The following ITSN2 variants were observed in gnomAD, a reference collection of about 807,000 sequenced individuals.
ITSN2 encodes the protein intersectin 2, also known as intersectin-2.
A neutral mutation model predicts 243.7 loss-of-function variants in ITSN2; 156 were observed. That is an observed-to-expected ratio of 0.64 (90% CI 0.56 to 0.73). The LOEUF is 0.73. Among genes scored for constraint, ITSN2 ranks in the 30% least tolerant of loss-of-function variants. ITSN2 has a pLI of 0.00. For missense variants in ITSN2, 1,801 were observed against 1,996.1 expected (o/e 0.90, Z 1.86); for synonymous variants, 703 against 699.9 (o/e 1.00, Z -0.07).
chr2:24,326,460 C>T (rs1685167287), intron 2 of ITSN2, among the ~76,000 whole-genome samples: 1 of 152,168 alleles, frequency 6.6e-6, no homozygotes, highest in African/African-American at 2.4e-5. Flanking sequence ...GTTTACAATT[C>T]AACTGTTTAA....
At chr2:24,293,433 A>C in intron 15 of ITSN2, 2 of 241,080 alleles carry the variant, frequency 8.3e-6, no homozygotes, top group South Asian at 8.1e-5. Flanking sequence ...TTGATGTTTC[A>C]ATTATATACA....
chr2:24,305,339 C>T (rs536323777), intron 8 of ITSN2, among the ~76,000 whole-genome samples: 10 of 152,224 alleles, frequency 6.6e-5, no homozygotes, highest in African/African-American at 1.9e-4. Context: ...CGGTAGCTCA[C>T]GTCTGTAATC....
intron 9 of ITSN2, 83 bp from the exon 10 acceptor site, chr2:24,302,185 T>TTTTATTTATTTA (rs200718095): frequency 3.9e-6 from 3 of 774,434 alleles, no homozygotes; most frequent in East Asian, 3.6e-5. Context: ...TTTATTTTAC[T>TTTTATTTATTTA]TTTATTTATT....
chr2:24,303,341 T>C (rs995565248), intron 9 of ITSN2, among the ~76,000 whole-genome samples: 1 of 152,192 alleles, frequency 6.6e-6, no homozygotes, highest in African/African-American at 2.4e-5. Flanking sequence ...CTTGACCCTC[T>C]ACAGGCCTAA....
At chr2:24,343,462 T>A (rs2702124) in intron 1 of ITSN2, among the ~76,000 whole-genome samples, 68 of 152,200 alleles carry the variant, frequency 4.5e-4, no homozygotes, top group African/African-American at 1.6e-3. Context: ...CTTTTGCTTG[T>A]ACTGTAACCA....
chr2:24,309,224 C>T (rs932320449), intron 7 of ITSN2, among the ~76,000 whole-genome samples: 6 of 152,170 alleles, frequency 3.9e-5, no homozygotes, highest in South Asian at 2.1e-4. Flanking sequence ...GACAGAGTCT[C>T]GCTCTGTTGC....
intron 29 of ITSN2, among the ~76,000 whole-genome samples, chr2:24,228,329 G>A (rs1671242843): frequency 6.6e-6 from 1 of 151,940 alleles, no homozygotes; most frequent in African/African-American, 2.4e-5. Context: ...GACATGACTG[G>A]AAAAACTATT....
chr2:24,228,989 C>T (rs759035400), intron 29 of ITSN2, among the ~76,000 whole-genome samples: 2 of 151,932 alleles, frequency 1.3e-5, no homozygotes, highest in East Asian at 3.9e-4. Context: ...TTTAAGGACC[C>T]GTATGAGATG....
chr2:24,210,980 G>C, intron 33 of ITSN2, 33 bp from the exon 34 acceptor site: 1 of 1,607,414 alleles, frequency 6.2e-7, no homozygotes, highest in Non-Finnish European at 8.5e-7. Flanking sequence ...ACATGGGGGA[G>C]CTGCGTCTCT....
At position 24,286,320 on chromosome 2, in the gene ITSN2, T is replaced by C. The variant is rs771652447; in HGVS notation, c.1755A>G (p.Ser585=). Residue 585 remains serine, a synonymous_variant, in exon 16 of 40, where the codon TCA becomes TCG. Transcript: ENST00000355123. ...TTTGGCATAATTCTTCCTTTTCTAATGATTTTTTATGAAGTAAACTGACCC... is the reference window on the plus strand; with the variant it reads ...TTTGGCATAATTCTTCCTTTTCTAACGATTTTTTATGAAGTAAACTGACCC... ...DSGVSLLHKK[S]LEKEELCQRL... 2 of 1,611,030 alleles carry C rather than the reference T, an allele frequency of 1.2e-6. No homozygotes were observed. Among genetic ancestry groups the C allele is most frequent in the South Asian group, 2.2e-5 (2 of 90,894 alleles).
At position 24,306,809 on chromosome 2, in the gene ITSN2, CTT is replaced by C. The variant is rs757854376; in HGVS notation, c.793+1806_793+1807del. On this transcript the variant is annotated intron_variant, in intron 8 of 39. Transcript: ENST00000355123. ...TGCCGCTATGCCTAGCAAAGATAAACTTTTTTTTTTTTTTTGAGACAGAGTCT... is the reference window on the plus strand; with the variant it reads ...TGCCGCTATGCCTAGCAAAGATAAACTTTTTTTTTTTTTGAGACAGAGTCT... Among the ~76,000 whole-genome samples, 1,097 of 144,066 alleles carry C rather than the reference CTT, an allele frequency of 7.6e-3. 8 individuals are homozygous for C. The highest frequency in any genetic ancestry group is 0.026 in the African/African-American group (1,046 of 39,628). The allele number at this position is 144,066 out of a possible 152,430, so 94.5% of individuals were successfully genotyped here.
rs569801500 is a variant in ITSN2, at chr2:24,320,373, G to T, written c.32-5149C>A. 6.2e-4 allele frequency among the ~76,000 whole-genome samples: 93 copies of T among 150,542 alleles called. 1 individual carries two copies. Among genetic ancestry groups the T allele is most frequent in the Non-Finnish European group, 6.8e-4 (46 of 67,666 alleles). On this transcript the variant is annotated intron_variant, in intron 2 of 39. Coordinates refer to ENST00000355123, the MANE Select transcript of ITSN2 (RefSeq NM_006277.3). Reference sequence around the variant, plus strand: ...TCTCTACTAAAAATACAAAAAATTAGCCGGGCGCGGTGGCGGGCGCCTGTA... The same window carrying T: ...TCTCTACTAAAAATACAAAAAATTATCCGGGCGCGGTGGCGGGCGCCTGTA...
At position 24,308,692 on chromosome 2, in the gene ITSN2, C is replaced by A; in HGVS notation, c.718G>T (p.Val240Phe). 6.5e-7 allele frequency: 1 copy of A among 1,532,232 alleles called. No individual in the cohort carries two copies. Among genetic ancestry groups the A allele is most frequent in the Non-Finnish European group, 8.8e-7 (1 of 1,132,198 alleles). The allele number at this position is 1,532,232 out of a possible 1,614,324, so 94.9% of individuals were successfully genotyped here. A position where few individuals can be genotyped will look rare whatever the true frequency, so the allele number is the denominator to read the frequency against. The change falls in exon 8 of 40, where the codon GTT becomes TTT. Residue 240 changes from valine (V) to phenylalanine (F), a missense_variant. This residue lies in a region of ITSN2 where 787 missense variants were observed against 803.9 expected (regional missense o/e 0.98). Coordinates refer to ENST00000355123, the MANE Select transcript of ITSN2 (RefSeq NM_006277.3). ...TATTTTAATCTTGTAGGCTGAGGAA[C>A]TGCCCACTCTGAGGTCCCAGTCTTG... The part of the protein sequence containing the change: ...SPKTGTSEWA[V>F]PQPTRLKYRQ...
At position 24,298,809 on chromosome 2, in the gene ITSN2, T is replaced by C. The variant is rs754284181; in HGVS notation, c.1350A>G (p.Ala450=). 1 of 1,580,282 alleles carries C rather than the reference T, an allele frequency of 6.3e-7. No individual in the cohort carries two copies. Among genetic ancestry groups the C allele is most frequent in the Non-Finnish European group, 8.5e-7 (1 of 1,171,428 alleles). The change falls in exon 13 of 40, where the codon GCA becomes GCG. Residue 450 remains alanine (A), a synonymous_variant. Coordinates refer to ENST00000355123, the MANE Select transcript of ITSN2 (RefSeq NM_006277.3). The part of the protein sequence containing the change: ...RRKDIERREA[A]KQELERQRRL... ...GACGTTGTCGTTCAAGTTCCTGTTT[T>C]GCTGCCTGAAAAAAAAAAGGAATTA...
rs914682582 is a variant in ITSN2 at position 24,320,273 on chromosome 2, A to G, written c.32-5049T>C. ...GGTGGCTCACGCCTGTAATCCCAGC[A>G]CTTTGGGAGGCCGAGGAGGGTGGAT... On this transcript the variant is annotated intron_variant, in intron 2 of 39. Transcript: ENST00000355123. Among the ~76,000 whole-genome samples, 13 of 151,346 alleles carry G rather than the reference A, an allele frequency of 8.6e-5. No individual in the cohort carries two copies. In the East Asian group the frequency reaches 2.5e-3, roughly 30 times the overall value.
rs779307546 is a variant in ITSN2 at position 24,209,232 on chromosome 2, TAG to T, written c.4474-13_4474-12del. 1.9e-6 allele frequency: 3 copies of T among 1,613,822 alleles called. No homozygotes were observed. The highest frequency in any genetic ancestry group is 2.5e-6 in the Non-Finnish European group (3 of 1,179,856). ...ATTCAGGAAAATGGGCTGAAAGAAT[TAG>T]GGCCAAAACACAGGCTGTGAGATGG... On this transcript the variant is annotated splice_polypyrimidine_tract_variant and intron_variant, in intron 35 of 39. Coordinates refer to ENST00000355123, the MANE Select transcript of ITSN2 (RefSeq NM_006277.3).
chr2:24,221,324 G>C, intron 29 of ITSN2: 1 of 395,454 alleles, frequency 2.5e-6, no homozygotes, highest in South Asian at 3.1e-5. Flanking sequence ...TTTCAGAACT[G>C]TGCAGAGCGT....
intron 1 of ITSN2, among the ~76,000 whole-genome samples, chr2:24,333,017 T>C (rs1185863341): frequency 3.3e-5 from 5 of 152,198 alleles, no homozygotes; most frequent in East Asian, 1.9e-4. Flanking sequence ...TTTGATAATA[T>C]GGATACTCCT....
At chr2:24,322,290 A>G (rs969310239) in intron 2 of ITSN2, among the ~76,000 whole-genome samples, 2 of 152,212 alleles carry the variant, frequency 1.3e-5, no homozygotes, top group African/African-American at 4.8e-5. Flanking sequence ...TGTTTATCAG[A>G]GAAGGAAACA....
Sources: gnomAD v4.1 joint callset for allele counts (sites outside exome capture counted in the v4.1 genomes callset) on GRCh38, gnomAD v4.1.1 for gene constraint, gnomAD v4.1.1 regional missense constraint, MANE v1.5 for transcripts, NCBI Gene and HGNC (gene_info 2026-07-23, HGNC 2026-07-21) for gene names.